Variants in MINDY2 observed in about 807,000 individuals in gnomAD.
The protein encoded by MINDY2 is ubiquitin carboxyl-terminal hydrolase MINDY-2.
MINDY2 carries 52 observed loss-of-function variants against 68.2 expected under a neutral mutation model. The observed-to-expected ratio is 0.76, with a 90% CI of 0.61 to 0.96. The LOEUF is 0.96. Ranked by LOEUF, MINDY2 falls within the 40% of genes least tolerant of loss-of-function variation. The probability of loss-of-function intolerance (pLI) is 0.00; values close to 1 mark genes in which losing one functional copy is unlikely to be tolerated. For missense variants in MINDY2, 881 were observed against 773.4 expected (o/e 1.14, Z -1.65); for synonymous variants, 372 against 303.0 (o/e 1.23, Z -2.36).
At chr15:58,842,075 T>C (rs1264339409) in intron 6 of MINDY2, among the ~76,000 whole-genome samples, 2 of 152,048 alleles carry the variant, frequency 1.3e-5, no homozygotes, top group African/African-American at 4.8e-5. Context: ...ACATAGCTTC[T>C]AGATCTTTGG....
intron 5 of MINDY2, among the ~76,000 whole-genome samples, chr15:58,826,396 A>G (rs1276405113): frequency 6.6e-6 from 1 of 151,678 alleles, no homozygotes; most frequent in East Asian, 1.9e-4. Context: ...CACCTGGCTA[A>G]TTTTGTATTT....
chr15:58,829,937 T>C (rs1425452401), intron 5 of MINDY2, among the ~76,000 whole-genome samples: 1 of 152,200 alleles, frequency 6.6e-6, no homozygotes, highest in Non-Finnish European at 1.5e-5. Flanking sequence ...CTTTTCAATT[T>C]ATTGTTGAAG....
intron 3 of MINDY2, among the ~76,000 whole-genome samples, chr15:58,805,379 C>T (rs558027621): frequency 3.3e-5 from 5 of 152,272 alleles, no homozygotes; most frequent in Admixed American, 3.3e-4. Context: ...GCAATATTCC[C>T]ATTTAAAACT....
chr15:58,789,170 G>C lies in MINDY2; in HGVS notation c.898+1207G>C, dbSNP rs530603141. Among the ~76,000 whole-genome samples, 26 of 152,044 alleles carry C rather than the reference G, an allele frequency of 1.7e-4. No individual in the cohort carries two copies. In the South Asian group the frequency reaches 5.4e-3, roughly 32 times the overall value. On this transcript the variant is annotated intron_variant, in intron 2 of 8. Transcript: ENST00000559228. ...GGCTAACACGGTGAAACTCCGTCTCGACTAAAAAATACAAAAAATTAGCTG... is the reference window on the plus strand; with the variant it reads ...GGCTAACACGGTGAAACTCCGTCTCCACTAAAAAATACAAAAAATTAGCTG...
Position 58,789,212 on chromosome 15 carries a change from C to A in MINDY2, c.898+1249C>A, listed in dbSNP as rs543940199. On this transcript the variant is annotated intron_variant, in intron 2 of 8. Coordinates refer to ENST00000559228, the MANE Select transcript of MINDY2 (RefSeq NM_001040450.3). Reference sequence around the variant, plus strand: ...AATTAGCTGGGCATGGTGGCAGACGCCTGATGTCCCAGCTACTCGGGAGGC... The same window carrying A: ...AATTAGCTGGGCATGGTGGCAGACGACTGATGTCCCAGCTACTCGGGAGGC... 2.0e-5 allele frequency among the ~76,000 whole-genome samples: 3 copies of A among 152,000 alleles called. No homozygotes were observed. The South Asian group carries it at 6.2e-4, about 32-fold the overall frequency.
chr15:58,807,501 A>C (rs1364037819), intron 3 of MINDY2, among the ~76,000 whole-genome samples: 2 of 151,858 alleles, frequency 1.3e-5, no homozygotes, highest in South Asian at 4.2e-4. Flanking sequence ...GAGAGACTAC[A>C]GGCGCCCGCC....
At chr15:58,773,768 A>G (rs1172855755) in intron 1 of MINDY2, among the ~76,000 whole-genome samples, 12 of 152,194 alleles carry the variant, frequency 7.9e-5, no homozygotes, top group African/African-American at 2.9e-4. Context: ...AGAATTTAGA[A>G]TAACAGGGAA....
intron 6 of MINDY2, among the ~76,000 whole-genome samples, chr15:58,836,504 A>G (rs998368651): frequency 1.3e-5 from 2 of 152,142 alleles, no homozygotes; most frequent in Admixed American, 6.6e-5. Context: ...TTTATGCCCC[A>G]TTACAATTCT....
chr15:58,811,875 T>C (rs1218050370), intron 4 of MINDY2, among the ~76,000 whole-genome samples: 1 of 152,230 alleles, frequency 6.6e-6, no homozygotes. Flanking sequence ...GGTTAGAGTC[T>C]TCTCTTTTCC....
intron 5 of MINDY2, among the ~76,000 whole-genome samples, chr15:58,826,866 C>T (rs1020832013): frequency 4.0e-5 from 6 of 151,742 alleles, no homozygotes; most frequent in Non-Finnish European, 7.4e-5. Context: ...CCCTCCCTTC[C>T]TCCCTTCCTT....
rs114634572 is a variant in MINDY2 at position 58,825,162 on chromosome 15, A to T, written c.1225+3343A>T. 3.3e-3 allele frequency among the ~76,000 whole-genome samples: 503 copies of T among 152,336 alleles called. 2 individuals carry two copies. Among genetic ancestry groups the T allele is most frequent in the African/African-American group, 0.012 (482 of 41,570 alleles). ...TAAAAATTCAAACATTTTATTTCCT[A>T]TCAAGGTATGAGGAATAAGAAATAC... On this transcript the variant is annotated intron_variant, in intron 5 of 8. Coordinates refer to ENST00000559228, the MANE Select transcript of MINDY2 (RefSeq NM_001040450.3).
intron 4 of MINDY2, among the ~76,000 whole-genome samples, chr15:58,819,306 G>A (rs1369429902): frequency 1.3e-5 from 2 of 152,024 alleles, no homozygotes; most frequent in Admixed American, 1.3e-4. Context: ...AAATTAGCTG[G>A]GTGTGGTGGC....
rs1416884973 is a variant in MINDY2 at position 58,856,448 on chromosome 15, T to C, written c.*1838T>C. 6.5e-6 allele frequency: 1 copy of C among 152,690 alleles called. No homozygotes were observed. Among genetic ancestry groups the C allele is most frequent in the Non-Finnish European group, 1.5e-5 (1 of 68,050 alleles). The allele number at this position is 152,690 out of a possible 1,614,324, so 9.5% of individuals were successfully genotyped here. Reference sequence around the variant, plus strand: ...ATCCAGGGTCAAGCTGTATCTTTTATGTCCTTTATATTGCATGTCTATTTC... The same window carrying C: ...ATCCAGGGTCAAGCTGTATCTTTTACGTCCTTTATATTGCATGTCTATTTC... On this transcript the variant is annotated 3_prime_UTR_variant, in exon 9 of 9. Coordinates refer to ENST00000559228, the MANE Select transcript of MINDY2 (RefSeq NM_001040450.3).
intron 2 of MINDY2, among the ~76,000 whole-genome samples, chr15:58,793,044 T>C (rs1902045822): frequency 2.0e-5 from 3 of 152,058 alleles, no homozygotes; most frequent in African/African-American, 7.2e-5. Flanking sequence ...GGCACATTTA[T>C]AGAGACAGAA....
chr15:58,827,266 G>A (rs2141011322), intron 5 of MINDY2, among the ~76,000 whole-genome samples: 1 of 152,252 alleles, frequency 6.6e-6, no homozygotes, highest in East Asian at 1.9e-4. Flanking sequence ...GTGTGAATAT[G>A]CTATTCGTTA....
intron 1 of MINDY2, among the ~76,000 whole-genome samples, chr15:58,773,383 G>A (rs1271258992): frequency 1.3e-5 from 2 of 152,194 alleles, no homozygotes; most frequent in Non-Finnish European, 2.9e-5. Context: ...TCTTCCTGTC[G>A]CTAGCAAGGA....
At chr15:58,835,677 AAAAAT>A (rs1173894090) in intron 6 of MINDY2, among the ~76,000 whole-genome samples, 3 of 152,144 alleles carry the variant, frequency 2.0e-5, no homozygotes, top group African/African-American at 7.2e-5. Flanking sequence ...TTCATTAAAT[AAAAAT>A]AAAATGATAC....
chr15:58,841,407 CTTTT>C (rs143550992), intron 6 of MINDY2, among the ~76,000 whole-genome samples: 3 of 136,764 alleles, frequency 2.2e-5, no homozygotes, highest in Admixed American at 7.4e-5. Context: ...CCTTTCTTTT[CTTTT>C]TTTTTTTTTT....
At chr15:58,799,663 C>T (rs528541024) in intron 2 of MINDY2, among the ~76,000 whole-genome samples, 3 of 151,712 alleles carry the variant, frequency 2.0e-5, no homozygotes, top group Non-Finnish European at 4.4e-5. Flanking sequence ...TGAAGTACCC[C>T]AAGGAAATGG....
Sources: allele counts gnomAD v4.1 joint callset (sites outside exome capture counted in the v4.1 genomes callset), GRCh38; gene constraint gnomAD v4.1.1; transcripts MANE v1.5; gene names NCBI Gene and HGNC (gene_info 2026-07-23, HGNC 2026-07-21).